TECTA: variants seen among roughly 807,000 people sequenced by gnomAD.
TECTA encodes the protein alpha-tectorin.
Under a neutral mutation model 216.8 loss-of-function variants are expected in TECTA, and 128 were observed. The ratio of observed to expected loss-of-function variants is 0.59; its 90% CI spans 0.51 to 0.68. The LOEUF (loss-of-function observed/expected upper bound fraction) is 0.68. TECTA is among the 30% of genes least tolerant of loss of function. The pLI, the probability that TECTA is intolerant of heterozygous loss-of-function variation, is 0.00. For missense variants in TECTA, 2,551 were observed against 2,786.2 expected (o/e 0.92, Z 1.90); for synonymous variants, 1,089 against 1,117.1 (o/e 0.97, Z 0.50).
Position 121,118,476 on chromosome 11 carries a change from A to C in TECTA, c.961A>C (p.Thr321Pro), listed in dbSNP as rs748732272. The part of the protein sequence containing the change: ...FFYCSAVETS[T>P]CVVFGEPHYH... ...CTACTGCAGCGCTGTGGAGACCAGC[A>C]CATGCGTGGTGTTTGGGGAGCCACA... Residue 321 changes from threonine (T) to proline (P), a missense_variant, in exon 7 of 24, where the codon ACA (threonine) becomes CCA (proline). This residue lies in a region of TECTA where 2,375 missense variants were observed against 2,563.9 expected (regional missense o/e 0.93). Coordinates refer to ENST00000392793, the MANE Select transcript of TECTA (RefSeq NM_005422.4). 89 of 1,614,086 alleles carry C rather than the reference A, an allele frequency of 5.5e-5. No individual in the cohort carries two copies. The highest frequency in any genetic ancestry group is 7.2e-5 in the Non-Finnish European group (85 of 1,180,046).
At chr11:121,168,416 T>C (rs1481824554) in intron 19 of TECTA, 199 bp downstream of exon 19, 1 of 867,374 alleles carries the variant, frequency 1.2e-6, no homozygotes, top group East Asian at 2.6e-5. Flanking sequence ...TACTGTTTAA[T>C]GTGGTGGCTA....
Position 121,105,911 on chromosome 11 carries a change from A to C in TECTA, c.145A>C (p.Ile49Leu). ...AGTAGATGATGGAAGCTCATCTGAG[A>C]TTAAGTTGGCCATCCCAGTTTTCTT... ...PKVDDGSSSEIKLAIPVFFFG... is the reference protein window; with the variant it reads ...PKVDDGSSSELKLAIPVFFFG... Residue 49 changes from isoleucine (I) to leucine (L), a missense_variant, in exon 3 of 24, where the codon ATT (isoleucine) becomes CTT (leucine). Around this residue, in one of 3 missense-constraint regions of TECTA, gnomAD observed 2,375 missense variants for 2,563.9 expected, o/e 0.93. Coordinates refer to ENST00000392793, the MANE Select transcript of TECTA (RefSeq NM_005422.4). The surrounding 1 kb of genome is among the most constrained non-coding windows in gnomAD (Gnocchi z 5.3). The C allele has an allele frequency of 6.2e-7, 1 of 1,614,202 alleles. No individual in the cohort carries two copies. Among genetic ancestry groups the C allele is most frequent in the Non-Finnish European group, 8.5e-7 (1 of 1,180,036 alleles).
In TECTA at chr11:121,165,296, G is replaced by A. The variant is rs781245536; in HGVS notation, c.5296G>A (p.Val1766Met). 1.2e-4 allele frequency: 195 copies of A among 1,607,226 alleles called. No individual in the cohort carries two copies. The highest frequency in any genetic ancestry group is 1.6e-4 in the Non-Finnish European group (187 of 1,177,070). The part of the protein sequence containing the change: ...NCSGVVEDPC[V>M]GADCPNRTCE... Reference sequence around the variant, plus strand: ...AGCAGGAGTGGTTGAAGATCCCTGTGTGGGGGCGGACTGTCCCAACCGAAC... The same window carrying A: ...AGCAGGAGTGGTTGAAGATCCCTGTATGGGGGCGGACTGTCCCAACCGAAC... Residue 1766 changes from valine to methionine, a missense_variant, in exon 17 of 24, where the codon GTG becomes ATG. By Grantham distance (21) the Val-to-Met change is conservative. This residue lies in a region of TECTA where 2,375 missense variants were observed against 2,563.9 expected (regional missense o/e 0.93). Transcript: ENST00000392793.
intron 9 of TECTA, among the ~76,000 whole-genome samples, chr11:121,129,217 A>G (rs1946646645): frequency 6.6e-6 from 1 of 152,246 alleles, no homozygotes; most frequent in African/African-American, 2.4e-5. Context: ...CATTAGAGAT[A>G]TGCTATGTGC....
Position 121,157,976 on chromosome 11 carries a change from A to G in TECTA, c.4441A>G (p.Ser1481Gly), listed in dbSNP as rs201946991. ...ALRNGVRGCF[S>G]TKTSYCLAAG... ...GCGCAACGGGGTGCGCGGCTGCTTC[A>G]GCACCAAGACCTCCTACTGCCTGGC... The change falls in exon 14 of 24, where the codon AGC (serine) becomes GGC (glycine). Residue 1481 changes from serine (S) to glycine (G), a missense_variant. Transcript: ENST00000392793. The G allele has an allele frequency of 7.9e-5, 127 of 1,613,412 alleles. No homozygotes were observed. The highest frequency in any genetic ancestry group is 1.1e-4 in the Non-Finnish European group (125 of 1,179,972).
intron 4 of TECTA, among the ~76,000 whole-genome samples, chr11:121,112,641 A>T (rs1946452269): frequency 6.6e-6 from 1 of 152,170 alleles, no homozygotes; most frequent in Non-Finnish European, 1.5e-5. Flanking sequence ...CTTTAATCAC[A>T]CGGACTGGTA....
At chr11:121,178,535 TG>T (rs1947193350) in intron 20 of TECTA, among the ~76,000 whole-genome samples, 2 of 148,294 alleles carry the variant, frequency 1.3e-5, no homozygotes, top group Admixed American at 1.3e-4. Flanking sequence ...TGTGTGTGTG[TG>T]TGTGTGTGTG....
chr11:121,127,701 A>G lies in TECTA; in HGVS notation c.1775-51A>G. Reference sequence around the variant, plus strand: ...AGCGTTAAGATTCTGGCGGGTTAGCACTCCGGGTCCATTCACCTTGTTATC... The same window carrying G: ...AGCGTTAAGATTCTGGCGGGTTAGCGCTCCGGGTCCATTCACCTTGTTATC... On this transcript the variant is annotated intron_variant, in intron 8 of 23. Coordinates refer to ENST00000392793, the MANE Select transcript of TECTA (RefSeq NM_005422.4). The surrounding 1 kb of genome is among the most constrained non-coding windows in gnomAD (Gnocchi z 5.0). The G allele has an allele frequency of 6.2e-7, 1 of 1,602,034 alleles. No homozygotes were observed. The highest frequency in any genetic ancestry group is 8.6e-7 in the Non-Finnish European group (1 of 1,169,260).
chr11:121,136,628 C>G (rs892336540), intron 10 of TECTA, among the ~76,000 whole-genome samples: 3 of 152,058 alleles, frequency 2.0e-5, no homozygotes, highest in African/African-American at 7.2e-5. Flanking sequence ...ACCGTGCTAG[C>G]TAAATGTGGT....
intron 20 of TECTA, among the ~76,000 whole-genome samples, chr11:121,184,854 C>T (rs1056603090): frequency 6.6e-6 from 1 of 152,190 alleles, no homozygotes; most frequent in African/African-American, 2.4e-5. Context: ...AAGGGAGGGA[C>T]GTGGTGACTA....
chr11:121,117,460 T>C (rs2135065812), intron 6 of TECTA, among the ~76,000 whole-genome samples: 1 of 152,370 alleles, frequency 6.6e-6, no homozygotes, highest in South Asian at 2.1e-4. Context: ...TTTCAAAGTT[T>C]TTTGGTGGGG....
intron 12 of TECTA, among the ~76,000 whole-genome samples, chr11:121,147,959 G>T (rs1229988984): frequency 1.3e-5 from 2 of 152,142 alleles, no homozygotes; most frequent in African/African-American, 4.8e-5. Context: ...AGTCAGCAAG[G>T]CCTCACAACC....
At chr11:121,131,696 G>T (rs1158466468) in intron 10 of TECTA, among the ~76,000 whole-genome samples, 2 of 152,228 alleles carry the variant, frequency 1.3e-5, no homozygotes, top group Non-Finnish European at 2.9e-5. Context: ...TGATGTCTCT[G>T]TAGACGCCTT....
chr11:121,179,585 G>A (rs1486045095), intron 20 of TECTA, among the ~76,000 whole-genome samples: 2 of 151,902 alleles, frequency 1.3e-5, no homozygotes, highest in Non-Finnish European at 2.9e-5. Flanking sequence ...AATTTTTTTT[G>A]TTGATTTTCT....
chr11:121,189,742 C>T, intron 22 of TECTA, 22 bp from the exon 23 acceptor site: 1 of 1,605,692 alleles, frequency 6.2e-7, no homozygotes, highest in Non-Finnish European at 8.5e-7. Flanking sequence ...TGTAGTTAAT[C>T]TTCCTAACTG....
chr11:121,162,222 C>T lies in TECTA; in HGVS notation c.5124C>T (p.Leu1708=), dbSNP rs755306281. 2.8e-5 allele frequency: 46 copies of T among 1,614,168 alleles called. 1 individual carries two copies. Among genetic ancestry groups the T allele is most frequent in the South Asian group, 2.6e-4 (24 of 91,078 alleles). ...TCTTCCAGCCCTGCTATGGGCTTCT[C>T]GATCCCCTCCCATTCTACGAGTCCT... is the stretch of plus-strand genomic sequence containing the variant. ...KGFFQPCYGL[L]DPLPFYESCY... Residue 1708 remains leucine (L), a synonymous_variant, in exon 16 of 24, where the codon CTC becomes CTT. Transcript: ENST00000392793.
chr11:121,118,356 G>A lies in TECTA; in HGVS notation c.841G>A (p.Val281Ile), dbSNP rs142205703. Residue 281 changes from valine (V) to isoleucine (I), a missense_variant, in exon 7 of 24, where the codon GTC becomes ATC. By Grantham distance (29) the Val-to-Ile change is conservative (BLOSUM62 3). This residue lies in a region of TECTA where 2,375 missense variants were observed against 2,563.9 expected (regional missense o/e 0.93). Transcript: ENST00000392793. ...GTTTTGGGATGACTTGAACTGCACC[G>A]TCAAGTGCCGCTGTCTGGATTTCAA... ...EVFWDDLNCT[V>I]KCRCLDFNNE... is the part of the protein sequence containing the mutation. 3.1e-5 allele frequency: 50 copies of A among 1,614,138 alleles called. No individual in the cohort carries two copies. Among genetic ancestry groups the A allele is most frequent in the South Asian group, 1.4e-4 (13 of 91,074 alleles).
intron 18 of TECTA, among the ~76,000 whole-genome samples, chr11:121,167,222 G>A (rs1478057143): frequency 6.6e-6 from 1 of 152,208 alleles, no homozygotes; most frequent in Non-Finnish European, 1.5e-5. Flanking sequence ...CTAGAGGCCA[G>A]GAATTCAAGA....
At chr11:121,122,584 C>T (rs1217276105) in intron 7 of TECTA, among the ~76,000 whole-genome samples, 1 of 149,006 alleles carries the variant, frequency 6.7e-6, no homozygotes, top group Non-Finnish European at 1.5e-5. Context: ...ACCTATAATC[C>T]CAGCACTTTT....
Sources: allele counts gnomAD v4.1 joint callset (sites outside exome capture counted in the v4.1 genomes callset), GRCh38; gene constraint gnomAD v4.1.1; regional missense constraint gnomAD v4.1.1; non-coding constraint Gnocchi (gnomAD v3.1); transcripts MANE v1.5; gene names NCBI Gene and HGNC (gene_info 2026-07-23, HGNC 2026-07-21).